Variants in CSTPP1 observed in about 807,000 individuals in gnomAD.
CSTPP1 encodes the protein centriolar satellite-associated tubulin polyglutamylase complex regulator 1.
chr11:47,020,339 T>A, the CSTPP1 span, among the ~76,000 whole-genome samples: 9 of 152,306 alleles, frequency 5.9e-5, no homozygotes, highest in East Asian at 1.7e-3. Flanking sequence ...TTTATTTGAG[T>A]CTTAAGCTTA....
At chr11:47,077,074 C>T in the CSTPP1 span, among the ~76,000 whole-genome samples, 1 of 148,226 alleles carries the variant, frequency 6.7e-6, no homozygotes, top group Non-Finnish European at 1.5e-5. Flanking sequence ...GGCTTCTCAA[C>T]AGCAACATGA....
the CSTPP1 span, among the ~76,000 whole-genome samples, chr11:46,986,423 CT>C: frequency 0.12 from 16,746 of 138,474 alleles, 2,998 homozygotes; most frequent in African/African-American, 0.4. Flanking sequence ...TTTCCAGTGA[CT>C]TTTTTTTTTT....
the CSTPP1 span, among the ~76,000 whole-genome samples, chr11:47,077,617 G>A: frequency 1.3e-5 from 2 of 152,162 alleles, no homozygotes; most frequent in Admixed American, 6.5e-5. Context: ...TTAGGAAGAT[G>A]AAATTATGAG....
the CSTPP1 span, among the ~76,000 whole-genome samples, chr11:47,131,697 C>A: frequency 6.6e-6 from 1 of 152,160 alleles, no homozygotes; most frequent in Non-Finnish European, 1.5e-5. Context: ...AGTGACATGG[C>A]CTGGCGCAGT....
the CSTPP1 span, among the ~76,000 whole-genome samples, chr11:46,973,780 A>ATG: frequency 2.1e-4 from 31 of 150,684 alleles, no homozygotes; most frequent in South Asian, 4.2e-4. Flanking sequence ...TGGAGGGTGT[A>ATG]TGTGTGTGTG....
At chr11:47,076,108 G>A in the CSTPP1 span, among the ~76,000 whole-genome samples, 1 of 151,940 alleles carries the variant, frequency 6.6e-6, no homozygotes, top group Non-Finnish European at 1.5e-5. Context: ...TAGAAGACTG[G>A]AGATATTAAA....
the CSTPP1 span, among the ~76,000 whole-genome samples, chr11:47,134,305 C>G: frequency 6.6e-6 from 1 of 152,134 alleles, no homozygotes; most frequent in Non-Finnish European, 1.5e-5. Flanking sequence ...TCAAGAGATT[C>G]TCCTGCCCCC....
At chr11:47,124,141 T>TTTTTTTG in the CSTPP1 span, among the ~76,000 whole-genome samples, 1 of 142,986 alleles carries the variant, frequency 7.0e-6, no homozygotes, top group Non-Finnish European at 1.5e-5. Flanking sequence ...TTTTTTTTTT[T>TTTTTTTG]GAGACAGAGG....
chr11:47,069,635 CATA>C, the CSTPP1 span, among the ~76,000 whole-genome samples: 1 of 152,116 alleles, frequency 6.6e-6, no homozygotes, highest in Admixed American at 6.5e-5. Flanking sequence ...CTTTGAAGGA[CATA>C]ATAAGCAGAT....
the CSTPP1 span, among the ~76,000 whole-genome samples, chr11:47,026,481 A>G: frequency 6.6e-6 from 1 of 152,236 alleles, no homozygotes; most frequent in Admixed American, 6.5e-5. Context: ...TATTTGGAAG[A>G]CAGGAAGAAA....
chr11:47,006,680 G>C, the CSTPP1 span, among the ~76,000 whole-genome samples: 2 of 151,216 alleles, frequency 1.3e-5, no homozygotes, highest in Admixed American at 6.6e-5. Flanking sequence ...TACCTCCTGG[G>C]CTCAGGCAAT....
the CSTPP1 span, among the ~76,000 whole-genome samples, chr11:46,940,995 A>G: frequency 2.0e-5 from 3 of 152,218 alleles, no homozygotes; most frequent in Admixed American, 6.6e-5. Context: ...AGGAAGGCCA[A>G]TTCAGTGGCA....
At chr11:47,014,230 A>G in the CSTPP1 span, among the ~76,000 whole-genome samples, 3 of 151,460 alleles carry the variant, frequency 2.0e-5, no homozygotes, top group Admixed American at 2.0e-4. Flanking sequence ...GGAAAAAGAA[A>G]GAAGGAAGGA....
the CSTPP1 span, chr11:47,052,342 T>C: frequency 6.3e-7 from 1 of 1,578,092 alleles, no homozygotes; most frequent in East Asian, 2.3e-5. Flanking sequence ...GATTCCAGCC[T>C]TCTGGATTCC....
chr11:47,154,125 T>TG, the CSTPP1 span, among the ~76,000 whole-genome samples: 4 of 152,088 alleles, frequency 2.6e-5, no homozygotes, highest in South Asian at 4.2e-4. Context: ...TTAGTAGAAG[T>TG]GGGGTTTCAC....
chr11:46,965,241 T>C, the CSTPP1 span, among the ~76,000 whole-genome samples: 2 of 149,940 alleles, frequency 1.3e-5, no homozygotes, highest in Middle Eastern at 3.4e-3. Context: ...TTATTTTTTT[T>C]TGGAGACAGA....
At chr11:47,075,381 T>TA in the CSTPP1 span, among the ~76,000 whole-genome samples, 3 of 150,850 alleles carry the variant, frequency 2.0e-5, no homozygotes, top group Non-Finnish European at 4.4e-5. Context: ...AAAAAATAAA[T>TA]AAATAAAATA....
At chr11:47,159,645 A>G in the CSTPP1 span, 1 of 456,272 alleles carries the variant, frequency 2.2e-6, no homozygotes, top group South Asian at 1.5e-5. Flanking sequence ...GCCACTAGGA[A>G]GGAGAAGCCA....
At chr11:47,047,288 T>C in the CSTPP1 span, among the ~76,000 whole-genome samples, 3 of 152,036 alleles carry the variant, frequency 2.0e-5, no homozygotes, top group Admixed American at 2.0e-4. Flanking sequence ...GCCAGGACAA[T>C]CTTGAAAAAA....
Sources: allele counts gnomAD v4.1 joint callset (sites outside exome capture counted in the v4.1 genomes callset), GRCh38; gene constraint gnomAD v4.1.1; transcripts MANE v1.5; gene names NCBI Gene and HGNC (gene_info 2026-07-23, HGNC 2026-07-21).